Variants in ITPKA observed in about 807,000 individuals in gnomAD.
ITPKA encodes the protein inositol-trisphosphate 3-kinase A.
In ITPKA, 16 loss-of-function variants were observed where a neutral mutation model predicts 40.7. That is an observed-to-expected ratio of 0.39 (90% CI 0.27 to 0.60). The LOEUF (loss-of-function observed/expected upper bound fraction) is 0.60, where lower values mean the gene tolerates loss of function less well. Among genes scored for constraint, ITPKA ranks in the 20% least tolerant of loss-of-function variants. ITPKA has a pLI of 0.50. For synonymous variants in ITPKA, 313 were observed against 289.9 expected (o/e 1.08, Z -0.81); for missense variants, 540 against 649.3 (o/e 0.83, Z 1.83).
intron 4 of ITPKA, 69 bp downstream of exon 4, chr15:41,502,270 C>T (rs956228650): frequency 7.5e-7 from 1 of 1,341,032 alleles, no homozygotes; most frequent in African/African-American, 1.4e-5. Context: ...ATCCCCCGCT[C>T]CCGCCCCGCC....
At position 41,503,278 on chromosome 15, in the gene ITPKA, G is replaced by C. The variant is rs1231670153; in HGVS notation, c.*112G>C. 16 of 781,810 alleles carry C rather than the reference G, an allele frequency of 2.0e-5. No homozygotes were observed. In the South Asian group the frequency reaches 3.0e-4, roughly 14 times the overall value. 48.4% of individuals were successfully genotyped at this position (781,810 alleles called of 1,614,324 possible). ...GCCCCGCGGTGCAGGGCAGTTCACCGGGTCCTGCAGGACCAGGTGCCAGCC... is the reference window on the plus strand; with the variant it reads ...GCCCCGCGGTGCAGGGCAGTTCACCCGGTCCTGCAGGACCAGGTGCCAGCC... On this transcript the variant is annotated 3_prime_UTR_variant, in exon 7 of 7. Coordinates refer to ENST00000260386, the MANE Select transcript of ITPKA (RefSeq NM_002220.3).
At chr15:41,498,781 C>A (rs1259312768) in intron 1 of ITPKA, among the ~76,000 whole-genome samples, 1 of 152,256 alleles carries the variant, frequency 6.6e-6, no homozygotes, top group Non-Finnish European at 1.5e-5. Context: ...CTGCACATCA[C>A]TTCACCACGC....
chr15:41,498,025 C>T lies in ITPKA; in HGVS notation c.490-3438C>T, dbSNP rs974043832. Among the ~76,000 whole-genome samples the T allele has an allele frequency of 3.3e-5, 5 of 152,082 alleles. No individual in the cohort carries two copies. The South Asian group carries it at 6.2e-4, about 19-fold the overall frequency. ...AAATTAGCCAGGCGTTGGTGGTGCA[C>T]GCCTATAATCCCAGCTACTCAGGAG... On this transcript the variant is annotated intron_variant, in intron 1 of 6. Coordinates refer to ENST00000260386, the MANE Select transcript of ITPKA (RefSeq NM_002220.3).
At chr15:41,499,689 C>G (rs1486966027) in intron 1 of ITPKA, among the ~76,000 whole-genome samples, 2 of 152,144 alleles carry the variant, frequency 1.3e-5, no homozygotes, top group Non-Finnish European at 2.9e-5. Context: ...ACATGTGTAA[C>G]TGTGCTAAAA....
chr15:41,502,375 C>T, intron 4 of ITPKA, 27 bp from the exon 5 acceptor site: 1 of 1,525,708 alleles, frequency 6.6e-7, no homozygotes, highest in Non-Finnish European at 9.1e-7. Flanking sequence ...GGGCCCGGGG[C>T]CCCTGACACT....
Position 41,493,951 on chromosome 15 carries a change from G to T in ITPKA, c.24G>T (p.Thr8=). ...AAATGACCCTGCCCGGGGGCCCAAC[G>T]GGCATGGCGCGGCCGGGGGGCGCGA... MTLPGGP[T]GMARPGGARP... is the part of the protein sequence containing the mutation. Residue 8 remains threonine (T), a synonymous_variant, in exon 1 of 7, where the codon ACG becomes ACT. Coordinates refer to ENST00000260386, the MANE Select transcript of ITPKA (RefSeq NM_002220.3). 9.6e-7 allele frequency: 1 copy of T among 1,039,826 alleles called. No homozygotes were observed. Among genetic ancestry groups the T allele is most frequent in the South Asian group, 4.4e-5 (1 of 22,474 alleles). 64.4% of individuals were successfully genotyped at this position (1,039,826 alleles called of 1,614,324 possible).
rs2051137933 is a variant in ITPKA at position 41,503,347 on chromosome 15, G to T, written c.*181G>T. On this transcript the variant is annotated 3_prime_UTR_variant, in exon 7 of 7. Coordinates refer to ENST00000260386, the MANE Select transcript of ITPKA (RefSeq NM_002220.3). ...CGATGCCAGGGGTTTTGCCCACCCG[G>T]GCCCCAGCGTTCCCAGAGCCAAATG... 1.6e-6 allele frequency: 1 copy of T among 607,278 alleles called. No individual in the cohort carries two copies. The highest frequency in any genetic ancestry group is 2.9e-6 in the Non-Finnish European group (1 of 343,614). The allele number at this position is 607,278 out of a possible 1,614,324, so 37.6% of individuals were successfully genotyped here.
rs556458077 is a variant in ITPKA, at chr15:41,498,430, T to C, written c.490-3033T>C. Among the ~76,000 whole-genome samples, 7 of 152,264 alleles carry C rather than the reference T, an allele frequency of 4.6e-5. No homozygotes were observed. The South Asian group carries it at 1.5e-3, about 32-fold the overall frequency. On this transcript the variant is annotated intron_variant, in intron 1 of 6. Transcript: ENST00000260386. ...TCAAGAGAGTAGGTGATGACACCAT[T>C]TTACCCCTGCTTGGGAGCAGGTCCA... is the stretch of plus-strand genomic sequence containing the variant.
rs2051136249 is a variant in ITPKA at position 41,503,240 on chromosome 15, G to C, written c.*74G>C. On this transcript the variant is annotated 3_prime_UTR_variant, in exon 7 of 7. Transcript: ENST00000260386. ...AGCTTTGTCCCCACTGTGCATGCCG[G>C]CTTGAGACTGGAGCCCCGCGGTGCA... 4.4e-6 allele frequency: 5 copies of C among 1,147,696 alleles called. No individual in the cohort carries two copies. The highest frequency in any genetic ancestry group is 6.1e-6 in the Non-Finnish European group (5 of 815,482). 71.1% of individuals were successfully genotyped at this position (1,147,696 alleles called of 1,614,324 possible). A position where few individuals can be genotyped will look rare whatever the true frequency, so the allele number is the denominator to read the frequency against.
rs1007668205 is a variant in ITPKA at position 41,494,461 on chromosome 15, ACGGGGGACCTGGCTGGGTGCTCC to A, written c.489+49_489+71del. On this transcript the variant is annotated intron_variant, in intron 1 of 6. Transcript: ENST00000260386. This position sits in a 1 kb window ranked among gnomAD's most constrained non-coding sequence, Gnocchi z 7.8. Reference sequence around the variant, plus strand: ...GGCCAGCGCCGGGCGCGGGGGCTGCACGGGGGACCTGGCTGGGTGCTCCCGGAGGACCCGCTCCTGTCCATGCT... The same window carrying A: ...GGCCAGCGCCGGGCGCGGGGGCTGCACGGAGGACCCGCTCCTGTCCATGCT... The A allele has an allele frequency of 7.0e-5, 91 of 1,301,162 alleles. No homozygotes were observed. Among genetic ancestry groups the A allele is most frequent in the Non-Finnish European group, 8.5e-5 (85 of 998,352 alleles). The allele number at this position is 1,301,162 out of a possible 1,614,324, so 80.6% of individuals were successfully genotyped here. A position where few individuals can be genotyped will look rare whatever the true frequency, so the allele number is the denominator to read the frequency against.
intron 1 of ITPKA, chr15:41,501,216 C>T: frequency 1.5e-6 from 1 of 656,022 alleles, no homozygotes; most frequent in Non-Finnish European, 1.9e-6. Context: ...CCGGGGGCTT[C>T]AGATGCTAAG....
Position 41,502,780 on chromosome 15 carries a change from C to G in ITPKA, c.1111-8C>G. On this transcript the variant is annotated splice_region_variant and splice_polypyrimidine_tract_variant and intron_variant, in intron 5 of 6. Coordinates refer to ENST00000260386, the MANE Select transcript of ITPKA (RefSeq NM_002220.3). ...ATTTGCCCTCCTCTCCCACCCCACC[C>G]TCTGCAGAGGCGGTATCTGAACCGC... 1 of 1,603,066 alleles carries G rather than the reference C, an allele frequency of 6.2e-7. No homozygotes were observed. Among genetic ancestry groups the G allele is most frequent in the South Asian group, 1.1e-5 (1 of 89,834 alleles).
rs1384535827 is a variant in ITPKA, at chr15:41,494,175, C to G, written c.248C>G (p.Thr83Ser). 3.3e-6 allele frequency: 5 copies of G among 1,515,624 alleles called. No individual in the cohort carries two copies. Among genetic ancestry groups the G allele is most frequent in the Non-Finnish European group, 4.4e-6 (5 of 1,139,392 alleles). 93.9% of individuals were successfully genotyped at this position (1,515,624 alleles called of 1,614,324 possible). Residue 83 changes from threonine to serine, a missense_variant, in exon 1 of 7, where the codon ACC (threonine) becomes AGC (serine). Coordinates refer to ENST00000260386, the MANE Select transcript of ITPKA (RefSeq NM_002220.3). The surrounding 1 kb of genome is among the most constrained non-coding windows in gnomAD (Gnocchi z 7.8). ...CCGGCCCCGGTGATCCCTCAGCTGA[C>G]CGTGACAGCCGAGGAGCCCGACGTG... is the stretch of plus-strand genomic sequence containing the variant. ...APPAPVIPQL[T>S]VTAEEPDVPP...
At position 41,493,913 on chromosome 15, in the gene ITPKA, C is replaced by A; in HGVS notation, c.-15C>A. 9.9e-7 allele frequency: 1 copy of A among 1,008,526 alleles called. No homozygotes were observed. Among genetic ancestry groups the A allele is most frequent in the Non-Finnish European group, 1.2e-6 (1 of 846,246 alleles). The allele number at this position is 1,008,526 out of a possible 1,614,324, so 62.5% of individuals were successfully genotyped here. A position where few individuals can be genotyped will look rare whatever the true frequency, so the allele number is the denominator to read the frequency against. ...CGCGGGCTGGTGGGCTCAGCGGCGG[C>A]GCCGGCACTGGGAAATGACCCTGCC... On this transcript the variant is annotated 5_prime_UTR_variant, in exon 1 of 7. Coordinates refer to ENST00000260386, the MANE Select transcript of ITPKA (RefSeq NM_002220.3).
intron 1 of ITPKA, among the ~76,000 whole-genome samples, chr15:41,498,538 T>A (rs541966480): frequency 6.6e-6 from 1 of 152,164 alleles, no homozygotes; most frequent in Non-Finnish European, 1.5e-5. Flanking sequence ...CTCCTCACTG[T>A]TTCTGCACAG....
intron 5 of ITPKA, 122 bp from the exon 6 acceptor site, chr15:41,502,665 GC>G: frequency 9.5e-7 from 1 of 1,049,890 alleles, no homozygotes; most frequent in Non-Finnish European, 1.4e-6. Context: ...GCTGGGCGGG[GC>G]CCTGGGTCCT....
In ITPKA at chr15:41,501,530, A is replaced by G. The variant is rs143540732; in HGVS notation, c.557A>G (p.Tyr186Cys). 4.0e-4 allele frequency: 623 copies of G among 1,541,920 alleles called. No homozygotes were observed. The highest frequency in any genetic ancestry group is 5.1e-4 in the Non-Finnish European group (588 of 1,142,724). Residue 186 changes from tyrosine (Y) to cysteine (C), a missense_variant, in exon 2 of 7, where the codon TAC becomes TGC. Coordinates refer to ENST00000260386, the MANE Select transcript of ITPKA (RefSeq NM_002220.3). ...GTCATAAGCCCTTTCAAGAAGCGCT[A>G]CGCCTGGGTGCAGCTGGCAGGGCAC... ...LPVISPFKKR[Y>C]AWVQLAGHTG...
Position 41,503,541 on chromosome 15 carries a change from C to CA in ITPKA, c.*378dup, listed in dbSNP as rs778132921. On this transcript the variant is annotated 3_prime_UTR_variant, in exon 7 of 7. Transcript: ENST00000260386. ...ACGGACTCCCCTTCCTAATAAAACT[C>CA]AAAGACAAGATGCAGCTTCCTGTGC... The CA allele has an allele frequency of 5.2e-6, 3 of 577,912 alleles. No homozygotes were observed. Among genetic ancestry groups the CA allele is most frequent in the Non-Finnish European group, 1.0e-5 (3 of 299,254 alleles). The allele number at this position is 577,912 out of a possible 1,614,324, so 35.8% of individuals were successfully genotyped here.
intron 1 of ITPKA, among the ~76,000 whole-genome samples, chr15:41,497,830 G>A (rs1595448355): frequency 2.6e-5 from 4 of 152,108 alleles, no homozygotes; most frequent in Middle Eastern, 6.8e-3. Flanking sequence ...GGCCAGCCTG[G>A]GCAACATAGC....
Sources: allele counts gnomAD v4.1 joint callset (sites outside exome capture counted in the v4.1 genomes callset), GRCh38; gene constraint gnomAD v4.1.1; non-coding constraint Gnocchi (gnomAD v3.1); transcripts MANE v1.5; gene names NCBI Gene and HGNC (gene_info 2026-07-23, HGNC 2026-07-21).